The following ANK1 variants were observed in gnomAD, a reference collection of about 807,000 sequenced individuals.
ANK1 encodes the protein ankyrin-1.
ANK1 carries 51 observed loss-of-function variants against 210.4 expected under a neutral mutation model. That is an observed-to-expected ratio of 0.24 (90% CI 0.19 to 0.31). ANK1 has a LOEUF of 0.31. Ranked by LOEUF, ANK1 falls within the 10% of genes least tolerant of loss-of-function variation. ANK1 has a pLI of 1.00. For missense variants in ANK1, 2,051 were observed against 2,504.4 expected, an observed-to-expected ratio of 0.82 and a Z score of 3.86; for synonymous variants, 967 against 1,025.9, an observed-to-expected ratio of 0.94 and a Z score of 1.10.
intron 1 of ANK1, chr8:41,840,339 C>T (rs770768905): frequency 6.6e-6 from 1 of 152,238 alleles, no homozygotes; most frequent in Non-Finnish European, 1.5e-5. Context: ...GGACTAAAGG[C>T]ACACTCTTTA....
rs371855809 is a variant in ANK1 at position 41,696,729 on chromosome 8, C to G, written c.2682G>C (p.Pro894=). 1 of 1,601,900 alleles carries G rather than the reference C, an allele frequency of 6.2e-7. No individual in the cohort carries two copies. The highest frequency in any genetic ancestry group is 1.1e-5 in the South Asian group (1 of 91,038). The part of the protein sequence containing the change: ...YDEDSLIPSS[P]ATETSDNISP... ...TGATGTTGTCTGAGGTCTCGGTGGC[C>G]GGGCTGCTGGGGATGAGGGAGTCCT... Residue 894 remains proline, a synonymous_variant, in exon 25 of 43, where the codon CCG becomes CCC. Coordinates refer to ENST00000289734, the MANE Select transcript of ANK1 (RefSeq NM_000037.4).
chr8:41,706,348 T>C, intron 17 of ANK1, 107 bp from the exon 18 acceptor site: 5 of 990,326 alleles, frequency 5.0e-6, no homozygotes, highest in Non-Finnish European at 7.7e-6. Context: ...AGTCACCAAC[T>C]AGTTATTTGG....
Position 41,694,867 on chromosome 8 carries a change from G to T in ANK1, c.3116-64C>A, listed in dbSNP as rs926153902. 24 of 1,544,172 alleles carry T rather than the reference G, an allele frequency of 1.6e-5. No individual in the cohort carries two copies. The highest frequency in any genetic ancestry group is 2.0e-5 in the Non-Finnish European group (22 of 1,125,254). On this transcript the variant is annotated intron_variant, in intron 27 of 42. Transcript: ENST00000289734. The surrounding 1 kb of genome is among the most constrained non-coding windows in gnomAD (Gnocchi z 5.7). ...AGGCACAGGTTCAGGACTTCCAGGG[G>T]CCCCAGAGTCTCCTTGTCCCCAAGA...
At chr8:41,857,829 G>C (rs926192826) in intron 1 of ANK1, among the ~76,000 whole-genome samples, 1 of 151,222 alleles carries the variant, frequency 6.6e-6, no homozygotes, top group Non-Finnish European at 1.5e-5. Flanking sequence ...ACTTGAACCC[G>C]CAAGGTGGAG....
intron 36 of ANK1, 142 bp from the exon 37 acceptor site, chr8:41,684,832 A>G (rs191963146): frequency 0.014 from 14,666 of 1,050,396 alleles, 136 homozygotes; most frequent in Non-Finnish European, 0.018. Flanking sequence ...TATTAGAGTC[A>G]AAACAAACTT....
intron 37 of ANK1, among the ~76,000 whole-genome samples, chr8:41,674,651 G>A (rs1324159147): frequency 6.6e-6 from 1 of 152,206 alleles, no homozygotes; most frequent in Admixed American, 6.5e-5. Flanking sequence ...TGTTCAACGT[G>A]CCCGGAGCCA....
chr8:41,805,361 G>A (rs904342949), intron 1 of ANK1, among the ~76,000 whole-genome samples: 1 of 151,982 alleles, frequency 6.6e-6, no homozygotes, highest in African/African-American at 2.4e-5. Flanking sequence ...TCCCACCTCA[G>A]CCTCGAAGTA....
At chr8:41,721,074 T>A (rs1829130018) in intron 9 of ANK1, among the ~76,000 whole-genome samples, 1 of 152,084 alleles carries the variant, frequency 6.6e-6, no homozygotes, top group Admixed American at 6.5e-5. Flanking sequence ...CCCACAAAAT[T>A]CACATGCTGC....
At chr8:41,711,621 A>AGATT (rs913616101) in intron 16 of ANK1, among the ~76,000 whole-genome samples, 1 of 152,168 alleles carries the variant, frequency 6.6e-6, no homozygotes, top group Non-Finnish European at 1.5e-5. Context: ...TTTTAGATAA[A>AGATT]GCTTTACTCC....
At chr8:41,762,502 A>G (rs1840711594) in intron 1 of ANK1, among the ~76,000 whole-genome samples, 1 of 152,174 alleles carries the variant, frequency 6.6e-6, no homozygotes, top group Non-Finnish European at 1.5e-5. Context: ...CCTCCAAAGC[A>G]TTAAGTGTCT....
chr8:41,862,409 G>A (rs1813440596), intron 1 of ANK1, among the ~76,000 whole-genome samples: 1 of 152,148 alleles, frequency 6.6e-6, no homozygotes, highest in South Asian at 2.1e-4. Flanking sequence ...GCAAACGGAG[G>A]AAACCACATG....
chr8:41,680,183 A>G (rs1230268352), intron 37 of ANK1, among the ~76,000 whole-genome samples: 1 of 152,166 alleles, frequency 6.6e-6, no homozygotes, highest in African/African-American at 2.4e-5. Context: ...GCCACAGAAC[A>G]CTTGAGGCTC....
intron 22 of ANK1, chr8:41,700,326 C>T: frequency 1.6e-6 from 2 of 1,282,256 alleles, no homozygotes; most frequent in Non-Finnish European, 2.2e-6. Context: ...TATTAGCTGT[C>T]AGAGGAAGAT....
intron 2 of ANK1, among the ~76,000 whole-genome samples, chr8:41,750,209 C>T (rs903264005): frequency 6.6e-6 from 1 of 152,322 alleles, no homozygotes; most frequent in Non-Finnish European, 1.5e-5. Flanking sequence ...AACCCTTTAC[C>T]TTCAAGATAA....
At chr8:41,691,694 G>A (rs1474457486) in intron 31 of ANK1, among the ~76,000 whole-genome samples, 1 of 152,156 alleles carries the variant, frequency 6.6e-6, no homozygotes, top group Non-Finnish European at 1.5e-5. Context: ...AGACTCTGGG[G>A]CCAGAGATGA....
upstream of ANK1, among the ~76,000 whole-genome samples, chr8:41,800,301 G>A (rs1285796405): frequency 6.6e-6 from 1 of 152,214 alleles, no homozygotes; most frequent in South Asian, 2.1e-4. Flanking sequence ...TAATTACACT[G>A]TAATTCACTC....
At chr8:41,811,711 TGTCC>T (rs1802528329) in intron 1 of ANK1, among the ~76,000 whole-genome samples, 1 of 152,200 alleles carries the variant, frequency 6.6e-6, no homozygotes, top group African/African-American at 2.4e-5. Flanking sequence ...CTGCCAATAG[TGTCC>T]ACCTGACAGG....
At chr8:41,790,982 C>A (rs1168624865) in intron 1 of ANK1, among the ~76,000 whole-genome samples, 3 of 152,116 alleles carry the variant, frequency 2.0e-5, no homozygotes, top group Non-Finnish European at 4.4e-5. Context: ...AGCCCAGCTC[C>A]CCCACCCAGA....
At chr8:41,714,766 C>A (rs1311337988) in intron 15 of ANK1, among the ~76,000 whole-genome samples, 1 of 152,132 alleles carries the variant, frequency 6.6e-6, no homozygotes, top group Non-Finnish European at 1.5e-5. Flanking sequence ...GAGACTGACA[C>A]TCGAGGATGG....
Sources: allele counts gnomAD v4.1 joint callset (sites outside exome capture counted in the v4.1 genomes callset), GRCh38; gene constraint gnomAD v4.1.1; non-coding constraint Gnocchi (gnomAD v3.1); transcripts MANE v1.5; gene names NCBI Gene and HGNC (gene_info 2026-07-23, HGNC 2026-07-21).